Variants in ROS1 observed in about 807,000 individuals in gnomAD.
The protein encoded by ROS1 is proto-oncogene tyrosine-protein kinase ROS.
In ROS1, 263 loss-of-function variants were observed where a neutral mutation model predicts 273.5. The observed-to-expected ratio is 0.96, with a 90% CI of 0.87 to 1.06. ROS1 has a LOEUF of 1.06. ROS1 is among the 50% of genes least tolerant of loss of function. The probability of loss-of-function intolerance (pLI) is 0.00; values close to 1 mark genes in which losing one functional copy is unlikely to be tolerated. For synonymous variants in ROS1, 1,008 were observed against 954.1 expected, an observed-to-expected ratio of 1.06 and a Z score of -1.04; for missense variants, 2,833 against 2,751.1, an observed-to-expected ratio of 1.03 and a Z score of -0.67.
chr6:117,356,227 TCTAA>T (rs1339114352), intron 26 of ROS1, among the ~76,000 whole-genome samples: 1 of 152,180 alleles, frequency 6.6e-6, no homozygotes. Context: ...TTCAACTCCT[TCTAA>T]CTAACTGTGG....
intron 39 of ROS1, 61 bp from the exon 40 acceptor site, chr6:117,311,178 T>C (rs1015639649): frequency 3.0e-5 from 27 of 911,552 alleles, no homozygotes; most frequent in Non-Finnish European, 4.5e-5. Flanking sequence ...TATATACATA[T>C]ATGTGTGAAT....
At chr6:117,416,968 C>A (rs1775385106) in intron 2 of ROS1, among the ~76,000 whole-genome samples, 1 of 152,154 alleles carries the variant, frequency 6.6e-6, no homozygotes, top group Non-Finnish European at 1.5e-5. Flanking sequence ...CCTTTGCCAT[C>A]TCTTTTTGCC....
At chr6:117,299,003 A>ACG (rs1774466503) in intron 43 of ROS1, among the ~76,000 whole-genome samples, 1 of 50,020 alleles carries the variant, frequency 2.0e-5, no homozygotes, top group South Asian at 3.9e-4. Flanking sequence ...GCAAGTATAT[A>ACG]TATAGAGAGC....
chr6:117,404,250 G>C (rs1774208822), intron 6 of ROS1, 30 bp downstream of exon 6: 1 of 1,605,440 alleles, frequency 6.2e-7, no homozygotes, highest in African/African-American at 1.3e-5. Flanking sequence ...GAAGGGGTCT[G>C]GGTTGAGGTA....
At chr6:117,378,643 G>A (rs753855225) in intron 18 of ROS1, among the ~76,000 whole-genome samples, 23 of 152,078 alleles carry the variant, frequency 1.5e-4, no homozygotes, top group Non-Finnish European at 2.9e-4. Flanking sequence ...TAGAGATACC[G>A]ACAAGATCAG....
intron 35 of ROS1, among the ~76,000 whole-genome samples, chr6:117,324,022 T>C (rs1035809639): frequency 6.6e-6 from 1 of 152,206 alleles, no homozygotes; most frequent in Non-Finnish European, 1.5e-5. Flanking sequence ...ACAAAACATT[T>C]GTATGCAGCC....
chr6:117,355,807 C>T (rs1466918474), intron 26 of ROS1, among the ~76,000 whole-genome samples: 1 of 151,996 alleles, frequency 6.6e-6, no homozygotes, highest in Non-Finnish European at 1.5e-5. Context: ...AACAGGGCTT[C>T]ACCATGTTGG....
rs145056487 is a variant in ROS1 at position 117,362,721 on chromosome 6, A to G, written c.3248T>C (p.Ile1083Thr). 7 of 1,613,580 alleles carry G rather than the reference A, an allele frequency of 4.3e-6. No individual in the cohort carries two copies. Among genetic ancestry groups the G allele is most frequent in the African/African-American group, 4.0e-5 (3 of 74,920 alleles). The change falls in exon 22 of 44, where the codon ATA becomes ACA. Residue 1083 changes from isoleucine (I) to threonine (T), a missense_variant. Ile to Thr is a moderately conservative substitution (Grantham distance 89, BLOSUM62 -1). Coordinates refer to ENST00000368507, the MANE Select transcript of ROS1 (RefSeq NM_001378902.1). ...VLTKFEIFYN[I>T]SNQSITNKTC... ...TTTGTTTGTAATACTTTGATTGGATATATTGTAGAAAATTTCAAATTTTGT... is the reference window on the plus strand; with the variant it reads ...TTTGTTTGTAATACTTTGATTGGATGTATTGTAGAAAATTTCAAATTTTGT...
chr6:117,422,439 C>T (rs1248702520), intron 1 of ROS1, among the ~76,000 whole-genome samples: 2 of 152,122 alleles, frequency 1.3e-5, no homozygotes, highest in Non-Finnish European at 2.9e-5. Flanking sequence ...ATTTCACATT[C>T]TTTATGTACA....
At chr6:117,420,299 C>T (rs1775653529) in intron 1 of ROS1, among the ~76,000 whole-genome samples, 2 of 151,608 alleles carry the variant, frequency 1.3e-5, no homozygotes, top group Non-Finnish European at 2.9e-5. Context: ...TATCTGCTTC[C>T]AGTAGTCAAA....
intron 27 of ROS1, among the ~76,000 whole-genome samples, chr6:117,348,434 CG>C (rs1778548599): frequency 6.6e-6 from 1 of 151,808 alleles, no homozygotes; most frequent in Admixed American, 6.6e-5. Context: ...GAGATGTCCC[CG>C]CCTTCATTTC....
At chr6:117,300,782 A>AT (rs1774656937) in intron 43 of ROS1, among the ~76,000 whole-genome samples, 192 bp downstream of exon 43, 1 of 152,164 alleles carries the variant, frequency 6.6e-6, no homozygotes, top group Non-Finnish European at 1.5e-5. Flanking sequence ...ACTATCCTTT[A>AT]TTTTTTCAAT....
At chr6:117,396,124 G>T in intron 9 of ROS1, 64 bp downstream of exon 9, 1 of 1,264,962 alleles carries the variant, frequency 7.9e-7, no homozygotes, top group Non-Finnish European at 1.1e-6. Context: ...CAGGGCTTCT[G>T]GCTCTGAAAC....
chr6:117,304,564 G>A (rs936514787), intron 42 of ROS1, among the ~76,000 whole-genome samples: 14 of 152,144 alleles, frequency 9.2e-5, no homozygotes, highest in Admixed American at 8.5e-4. Context: ...GAAATGAACA[G>A]TTCATAAGTT....
At chr6:117,370,933 T>C (rs543662351) in intron 18 of ROS1, among the ~76,000 whole-genome samples, 28 of 152,302 alleles carry the variant, frequency 1.8e-4, no homozygotes, top group South Asian at 1.4e-3. Flanking sequence ...TTGATAATTA[T>C]ATTAAGTGTA....
intron 18 of ROS1, among the ~76,000 whole-genome samples, chr6:117,376,972 G>A (rs1039235578): frequency 6.6e-6 from 1 of 152,150 alleles, no homozygotes; most frequent in Non-Finnish European, 1.5e-5. Flanking sequence ...AAAGTAGAAG[G>A]ACTGAATTTG....
chr6:117,422,697 T>C (rs1355466139), intron 1 of ROS1, among the ~76,000 whole-genome samples: 1 of 152,138 alleles, frequency 6.6e-6, no homozygotes, highest in African/African-American at 2.4e-5. Flanking sequence ...TCTTTGGAAC[T>C]TAAGATACAA....
chr6:117,403,297 A>G lies in ROS1; in HGVS notation c.466-20T>C, dbSNP rs780208511. The G allele has an allele frequency of 2.5e-5, 40 of 1,608,588 alleles. No homozygotes were observed. Among genetic ancestry groups the G allele is most frequent in the Non-Finnish European group, 3.0e-5 (35 of 1,178,572 alleles). On this transcript the variant is annotated intron_variant, in intron 6 of 43. Coordinates refer to ENST00000368507, the MANE Select transcript of ROS1 (RefSeq NM_001378902.1). ...CACAGTCTAGATCAAGGAGTGATCA[A>G]TCATCAGCATTATAGAATCAGCACC...
In ROS1 at chr6:117,319,979, T is replaced by TTC. The variant is rs777153640; in HGVS notation, c.5809_5810dup (p.Leu1939AsnfsTer2). 1.9e-6 allele frequency: 3 copies of TTC among 1,613,410 alleles called. No homozygotes were observed. The highest frequency in any genetic ancestry group is 2.7e-5 in the African/African-American group (2 of 74,892). On this transcript the variant is annotated frameshift_variant, in exon 37 of 44. Transcript: ENST00000368507. LOFTEE classifies it high-confidence loss of function. ...CCAGCAAGAGACGCAGAGTCAGTTT[T>TTC]TCCCGAGGGAAGGCAGGAAGATTTT...
Sources: gnomAD v4.1 joint callset for allele counts (sites outside exome capture counted in the v4.1 genomes callset) on GRCh38, gnomAD v4.1.1 for gene constraint, MANE v1.5 for transcripts, NCBI Gene and HGNC (gene_info 2026-07-23, HGNC 2026-07-21) for gene names.